Variants in KCNRG observed in about 807,000 individuals in gnomAD.
KCNRG encodes potassium channel regulatory protein.
In KCNRG, 17 loss-of-function variants were observed where a neutral mutation model predicts 17.7. The observed-to-expected ratio is 0.96, with a 90% CI of 0.66 to 1.44. The LOEUF is 1.44. Among genes scored for constraint, KCNRG ranks in the 40% most tolerant of loss-of-function variants. The pLI, the probability that KCNRG is intolerant of heterozygous loss-of-function variation, is 0.00. For synonymous variants in KCNRG, 97 were observed against 116.5 expected, an observed-to-expected ratio of 0.83 and a Z score of 1.08; for missense variants, 311 against 321.1, an observed-to-expected ratio of 0.97 and a Z score of 0.24.
intron 1 of KCNRG, chr13:50,016,336 C>G: frequency 2.6e-6 from 1 of 382,008 alleles, no homozygotes; most frequent in East Asian, 4.6e-5. Flanking sequence ...ACATTCAAAT[C>G]ATGGGAGAAA....
chr13:50,017,582 T>C (rs1326045511), intron 1 of KCNRG: 2 of 166,968 alleles, frequency 1.2e-5, no homozygotes. Context: ...TTTTCTTGCA[T>C]CACCAAATGG....
chr13:50,016,446 T>C (rs1164931633), intron 1 of KCNRG: 1 of 208,104 alleles, frequency 4.8e-6, no homozygotes, highest in Non-Finnish European at 1.1e-5. Flanking sequence ...AAAGGCTCGC[T>C]CACTGGTTTC....
Position 50,015,817 on chromosome 13 carries a change from T to A in KCNRG, c.324T>A (p.Ala108=), listed in dbSNP as rs1416926084. The change falls in exon 1 of 2, where the codon GCT becomes GCA. Residue 108 remains alanine, a synonymous_variant. Transcript: ENST00000312942. The part of the protein sequence containing the change: ...LNPYLLQPRP[A]LVEVHFLSRN... ...CATACCTGCTACAGCCAAGACCTGC[T>A]CTTGTGGAGGTACATTTCCTAAGCC... 6.2e-7 allele frequency: 1 copy of A among 1,614,026 alleles called. No individual in the cohort carries two copies. The highest frequency in any genetic ancestry group is 8.5e-7 in the Non-Finnish European group (1 of 1,180,000).
Position 50,015,747 on chromosome 13 carries a change from A to G in KCNRG, c.254A>G (p.Glu85Gly). Residue 85 changes from glutamate to glycine, a missense_variant, in exon 1 of 2, where the codon GAG becomes GGG. Glu to Gly is a moderately conservative substitution (Grantham distance 98). Coordinates refer to ENST00000312942, the MANE Select transcript of KCNRG (RefSeq NM_173605.2). The part of the protein sequence containing the change: ...EFSDYLRLQR[E>G]ALFYELRSLV... The stretch of plus-strand genomic sequence containing the variant: ...TCAGACTATCTTAGGCTTCAGAGAG[A>G]GGCTCTTTTCTATGAACTTCGTTCT... The G allele has an allele frequency of 6.2e-7, 1 of 1,614,040 alleles. No individual in the cohort carries two copies. Among genetic ancestry groups the G allele is most frequent in the African/African-American group, 1.3e-5 (1 of 75,004 alleles).
intron 1 of KCNRG, chr13:50,017,238 G>A (rs1876716375): frequency 6.0e-6 from 1 of 166,976 alleles, no homozygotes; most frequent in South Asian, 2.1e-4. Context: ...GAGTGATTAT[G>A]ACCTCTTTGG....
At chr13:50,017,350 AC>A (rs1876735678) in intron 1 of KCNRG, 1 of 167,054 alleles carries the variant, frequency 6.0e-6, no homozygotes, top group Non-Finnish European at 1.5e-5. Flanking sequence ...AATACGAAGT[AC>A]TCTTTAAAAA....
intron 1 of KCNRG, among the ~76,000 whole-genome samples, chr13:50,019,592 AAT>A (rs1222165726): frequency 4.0e-5 from 6 of 151,174 alleles, no homozygotes; most frequent in East Asian, 3.9e-4. Flanking sequence ...CAAAATTGGA[AAT>A]AGTTATATAA....
rs79932244 is a variant in KCNRG, at chr13:50,017,480, A to G, written c.578+1409A>G. ...TCCCTTTTTATGTTGTGTTTTAGAA[A>G]CAGCACGAAAGTTTTTTCCATTTTA... is the stretch of plus-strand genomic sequence containing the variant. On this transcript the variant is annotated intron_variant, in intron 1 of 1. Transcript: ENST00000312942. 1,588 of 167,234 alleles carry G rather than the reference A, an allele frequency of 9.5e-3. 49 individuals are homozygous for G. The East Asian group carries it at 0.12, about 13-fold the overall frequency. The allele number at this position is 167,234 out of a possible 1,614,324, so 10.4% of individuals were successfully genotyped here. A position where few individuals can be genotyped will look rare whatever the true frequency, so the allele number is the denominator to read the frequency against.
intron 1 of KCNRG, 67 bp from the exon 2 acceptor site, chr13:50,020,147 T>C: frequency 6.7e-7 from 1 of 1,488,444 alleles, no homozygotes; most frequent in Non-Finnish European, 9.2e-7. Context: ...AAGTCAAATT[T>C]ATGTGTATAG....
intron 1 of KCNRG, chr13:50,016,892 C>T (rs1479446652): frequency 2.5e-5 from 4 of 161,002 alleles, no homozygotes; most frequent in Admixed American, 6.8e-5. Context: ...TAAAGGTAGG[C>T]GTATTTTAAG....
Position 50,016,113 on chromosome 13 carries a change from T to G in KCNRG, c.578+42T>G, listed in dbSNP as rs1230834175. The G allele has an allele frequency of 1.1e-5, 16 of 1,426,452 alleles. No individual in the cohort carries two copies. The African/African-American group carries it at 1.8e-4, about 16-fold the overall frequency. 88.4% of individuals were successfully genotyped at this position (1,426,452 alleles called of 1,614,324 possible). ...AGTATTTCTCTTGTATACCAGTTTG[T>G]GATGTTTTCTCTAAAAACTTGAAGT... On this transcript the variant is annotated intron_variant, in intron 1 of 1. Coordinates refer to ENST00000312942, the MANE Select transcript of KCNRG (RefSeq NM_173605.2).
chr13:50,017,568 A>T (rs757792566), intron 1 of KCNRG: 1 of 167,022 alleles, frequency 6.0e-6, no homozygotes, highest in Non-Finnish European at 1.5e-5. Flanking sequence ...TTTTAAAATT[A>T]GCATTTTCTT....
At chr13:50,017,050 C>T (rs966153994) in intron 1 of KCNRG, 1 of 166,942 alleles carries the variant, frequency 6.0e-6, no homozygotes, top group Non-Finnish European at 1.5e-5. Context: ...CATTTTATAA[C>T]TTCCTGTCCT....
rs754472352 is a variant in KCNRG, at chr13:50,015,842, CG to C, written c.351del (p.Asn118ThrfsTer19). 6.9e-5 allele frequency: 112 copies of C among 1,613,930 alleles called. 1 individual carries two copies. The South Asian group carries it at 1.0e-3, about 14-fold the overall frequency. On this transcript the variant is annotated frameshift_variant, in exon 1 of 2. Coordinates refer to ENST00000312942, the MANE Select transcript of KCNRG (RefSeq NM_173605.2). LOFTEE classifies it high-confidence loss of function. ...PALVEVHFLSRNTQAFFRVFG... is the reference protein window; with the variant it reads ...PALVEVHFLSXNTQAFFRVFG... Reference sequence around the variant, plus strand: ...TCTTGTGGAGGTACATTTCCTAAGCCGGAACACTCAAGCTTTTTTCAGGGTG... The same window carrying C: ...TCTTGTGGAGGTACATTTCCTAAGCCGAACACTCAAGCTTTTTTCAGGGTG...
In KCNRG at chr13:50,015,922, T is replaced by C. The variant is rs1426156681; in HGVS notation, c.429T>C (p.Phe143=). The C allele has an allele frequency of 2.5e-6, 4 of 1,614,112 alleles. No individual in the cohort carries two copies. Among genetic ancestry groups the C allele is most frequent in the Admixed American group, 3.3e-5 (2 of 60,022 alleles). The change falls in exon 1 of 2, where the codon TTT becomes TTC. Residue 143 remains phenylalanine (F), a synonymous_variant. Coordinates refer to ENST00000312942, the MANE Select transcript of KCNRG (RefSeq NM_173605.2). ...IEMLTGRITV[F]TEQPSAPTWN... The stretch of plus-strand genomic sequence containing the variant: ...TGCTAACAGGGAGGATTACAGTGTT[T>C]ACAGAACAACCTTCAGCGCCGACCT...
At chr13:50,017,745 G>T (rs1876786341) in intron 1 of KCNRG, 1 of 166,958 alleles carries the variant, frequency 6.0e-6, no homozygotes, top group African/African-American at 2.4e-5. Context: ...GCCTTAAAAG[G>T]TCCACTTTTA....
chr13:50,020,645 C>T lies in KCNRG; in HGVS notation c.*191C>T, dbSNP rs1161208391. ...GCTGCTCTCTAGACAACTCCATGTA[C>T]TTGGTGCTTTGGTATATGTTCTACC... On this transcript the variant is annotated 3_prime_UTR_variant, in exon 2 of 2. Transcript: ENST00000312942. 1.7e-6 allele frequency: 1 copy of T among 576,238 alleles called. No homozygotes were observed. Among genetic ancestry groups the T allele is most frequent in the African/African-American group, 1.9e-5 (1 of 53,430 alleles). The allele number at this position is 576,238 out of a possible 1,614,324, so 35.7% of individuals were successfully genotyped here.
At chr13:50,019,301 T>G (rs973498709) in intron 1 of KCNRG, among the ~76,000 whole-genome samples, 3 of 152,198 alleles carry the variant, frequency 2.0e-5, no homozygotes, top group African/African-American at 7.2e-5. Context: ...CCTCAGTGAA[T>G]AGAAGATTTT....
chr13:50,020,791 A>C lies in KCNRG; in HGVS notation c.*337A>C. ...AAAAAAAAAAAAATTGATCAAACTGATGGATACCCTAAGTACCCTGACTTG... is the reference window on the plus strand; with the variant it reads ...AAAAAAAAAAAAATTGATCAAACTGCTGGATACCCTAAGTACCCTGACTTG... On this transcript the variant is annotated 3_prime_UTR_variant, in exon 2 of 2. Coordinates refer to ENST00000312942, the MANE Select transcript of KCNRG (RefSeq NM_173605.2). The C allele has an allele frequency of 4.2e-6, 1 of 238,852 alleles. No homozygotes were observed. The highest frequency in any genetic ancestry group is 8.3e-6 in the Non-Finnish European group (1 of 119,868). 14.8% of individuals were successfully genotyped at this position (238,852 alleles called of 1,614,324 possible). A position where few individuals can be genotyped will look rare whatever the true frequency, so the allele number is the denominator to read the frequency against.
Sources: allele counts gnomAD v4.1 joint callset (sites outside exome capture counted in the v4.1 genomes callset), GRCh38; gene constraint gnomAD v4.1.1; transcripts MANE v1.5; gene names NCBI Gene and HGNC (gene_info 2026-07-23, HGNC 2026-07-21).